CADM2: variants seen among roughly 807,000 people sequenced by gnomAD.
CADM2 encodes immunoglobulin superfamily member 4D.
CADM2 carries 12 observed loss-of-function variants against 49.8 expected under a neutral mutation model. The observed-to-expected ratio is 0.24, with a 90% CI of 0.15 to 0.39. CADM2 has a LOEUF of 0.39. Among genes scored for constraint, CADM2 ranks in the 10% least tolerant of loss-of-function variants. The pLI, the probability that CADM2 is intolerant of heterozygous loss-of-function variation, is 1.00. For missense variants in CADM2, 378 were observed against 492.3 expected (o/e 0.77, Z 2.20); for synonymous variants, 214 against 175.4 (o/e 1.22, Z -1.74).
At chr3:86,014,710 C>G (rs1276481685) in intron 8 of CADM2, 1 of 1,523,280 alleles carries the variant, frequency 6.6e-7, no homozygotes, top group East Asian at 2.3e-5. Flanking sequence ...GAACACCATG[C>G]TGACATGTGT....
intron 1 of CADM2, among the ~76,000 whole-genome samples, chr3:85,668,295 C>CAAAAAAA (rs11447925): frequency 1.2e-3 from 98 of 81,492 alleles, no homozygotes; most frequent in African/African-American, 2.5e-3. Context: ...AGTACCAAAG[C>CAAAAAAA]AAAAAAAAAA....
intron 1 of CADM2, among the ~76,000 whole-genome samples, chr3:85,458,180 A>G (rs1475698141): frequency 6.6e-6 from 1 of 152,160 alleles, no homozygotes; most frequent in Non-Finnish European, 1.5e-5. Context: ...TCTTGTGGCC[A>G]TGCATATAGT....
chr3:85,941,564 C>T (rs773291955), intron 7 of CADM2, among the ~76,000 whole-genome samples: 20 of 151,926 alleles, frequency 1.3e-4, no homozygotes, highest in Non-Finnish European at 2.8e-4. Context: ...ATAGTTAAAA[C>T]GAGACACTGG....
intron 2 of CADM2, among the ~76,000 whole-genome samples, chr3:85,754,819 A>C (rs1664219279): frequency 6.6e-6 from 1 of 152,196 alleles, no homozygotes; most frequent in Non-Finnish European, 1.5e-5. Context: ...TTTAACAAAA[A>C]AACAAACAAA....
intron 1 of CADM2, among the ~76,000 whole-genome samples, chr3:84,998,108 C>G (rs907252102): frequency 2.6e-5 from 4 of 152,024 alleles, no homozygotes; most frequent in African/African-American, 9.7e-5. Context: ...TCTAACAGAG[C>G]CTTCCTTATC....
intron 2 of CADM2, among the ~76,000 whole-genome samples, chr3:85,731,185 T>G (rs2067917087): frequency 6.6e-6 from 1 of 152,130 alleles, no homozygotes; most frequent in African/African-American, 2.4e-5. Context: ...ATGAAAAATT[T>G]TGGAGGTTAA....
At chr3:84,962,055 T>G (rs1349755653) in intron 1 of CADM2, among the ~76,000 whole-genome samples, 1 of 151,630 alleles carries the variant, frequency 6.6e-6, no homozygotes, top group Non-Finnish European at 1.5e-5. Flanking sequence ...CACAGCAGAC[T>G]GGGGAGCGGG....
intron 3 of CADM2, among the ~76,000 whole-genome samples, chr3:85,819,099 G>A (rs1417700884): frequency 6.6e-6 from 1 of 152,098 alleles, no homozygotes; most frequent in Non-Finnish European, 1.5e-5. Context: ...GCAAACCACT[G>A]GTGTAAGTCC....
chr3:86,011,486 T>C (rs1731502571), intron 8 of CADM2, among the ~76,000 whole-genome samples: 1 of 152,010 alleles, frequency 6.6e-6, no homozygotes, highest in African/African-American at 2.4e-5. Flanking sequence ...CCAAAGGCCG[T>C]TGCCACAATT....
At chr3:85,882,488 G>T (rs1039906134) in intron 3 of CADM2, among the ~76,000 whole-genome samples, 2 of 152,058 alleles carry the variant, frequency 1.3e-5, no homozygotes, top group African/African-American at 2.4e-5. Context: ...TCGGGTGCTG[G>T]TGTCTTTAAC....
intron 1 of CADM2, among the ~76,000 whole-genome samples, chr3:85,583,925 A>G (rs570748519): frequency 9.9e-5 from 15 of 152,156 alleles, no homozygotes; most frequent in East Asian, 3.9e-4. Flanking sequence ...AAATTTCCCA[A>G]TATAATGACT....
chr3:85,101,059 A>T (rs1265980585), intron 1 of CADM2, among the ~76,000 whole-genome samples: 1 of 152,066 alleles, frequency 6.6e-6, no homozygotes, highest in Non-Finnish European at 1.5e-5. Flanking sequence ...TTCAAGACCA[A>T]TCTGGCCAGC....
chr3:85,816,378 C>T (rs1372140317), intron 3 of CADM2, among the ~76,000 whole-genome samples: 5 of 152,004 alleles, frequency 3.3e-5, no homozygotes, highest in Admixed American at 6.6e-5. Flanking sequence ...TAATAGGTGC[C>T]TCTACTGTGC....
At chr3:85,988,278 G>A (rs1469781616) in intron 8 of CADM2, among the ~76,000 whole-genome samples, 3 of 152,086 alleles carry the variant, frequency 2.0e-5, no homozygotes, top group African/African-American at 4.8e-5. Flanking sequence ...TCCCCCATTA[G>A]TTTTCTATAC....
chr3:85,778,639 T>C (rs1001535878), intron 2 of CADM2, among the ~76,000 whole-genome samples: 2 of 152,172 alleles, frequency 1.3e-5, no homozygotes, highest in Admixed American at 6.6e-5. Flanking sequence ...GTGAGTCAAT[T>C]AAACCTCTTT....
chr3:85,879,077 A>G (rs1175211485), intron 3 of CADM2, among the ~76,000 whole-genome samples: 2 of 150,594 alleles, frequency 1.3e-5, no homozygotes, highest in Non-Finnish European at 3.0e-5. Context: ...ATATAAATAC[A>G]TATATTTATA....
intron 1 of CADM2, among the ~76,000 whole-genome samples, chr3:84,988,223 C>T (rs2032692111): frequency 6.6e-6 from 1 of 152,180 alleles, no homozygotes; most frequent in African/African-American, 2.4e-5. Context: ...TCCTGATGAA[C>T]ATTTTTGTTA....
intron 1 of CADM2, among the ~76,000 whole-genome samples, chr3:85,358,657 A>ATT (rs1339027819): frequency 1.3e-5 from 2 of 152,190 alleles, no homozygotes; most frequent in Non-Finnish European, 2.9e-5. Flanking sequence ...AGCCAATAAA[A>ATT]TTGATGAAAA....
intron 3 of CADM2, among the ~76,000 whole-genome samples, chr3:85,810,593 G>A (rs1303968576): frequency 7.6e-6 from 1 of 131,108 alleles, no homozygotes; most frequent in Non-Finnish European, 1.5e-5. Context: ...AGGCTGGAGT[G>A]CAGTGGTGCT....
Sources: allele counts gnomAD v4.1 joint callset (sites outside exome capture counted in the v4.1 genomes callset), GRCh38; gene constraint gnomAD v4.1.1; transcripts MANE v1.5; gene names NCBI Gene and HGNC (gene_info 2026-07-23, HGNC 2026-07-21).